XNDC1N: variants seen among roughly 807,000 people sequenced by gnomAD.
XNDC1N encodes protein XNDC1N.
chr11:71,891,971 G>C, the XNDC1N span, among the ~76,000 whole-genome samples: 1 of 151,774 alleles, frequency 6.6e-6, no homozygotes, highest in Non-Finnish European at 1.5e-5. Context: ...ATATCCCGGC[G>C]GGAGGTGGTA....
the XNDC1N span, among the ~76,000 whole-genome samples, chr11:71,919,602 TTGGTTTTTTTTTTTGTTTG>T: frequency 2.4e-5 from 2 of 83,558 alleles, no homozygotes; most frequent in Non-Finnish European, 5.2e-5. Flanking sequence ...TTTGGCCAGG[TTGGTTTTTTTTTTTGTTTG>T]TTTTTTTTTT....
the XNDC1N span, among the ~76,000 whole-genome samples, chr11:71,886,683 G>T: frequency 1.3e-5 from 2 of 152,198 alleles, no homozygotes; most frequent in South Asian, 4.1e-4. Context: ...AAGCGCAGAA[G>T]ACATGAGAAG....
the XNDC1N span, chr11:71,917,843 AAGG>A: frequency 1.5e-6 from 1 of 682,870 alleles, no homozygotes; most frequent in Non-Finnish European, 2.7e-6. Context: ...AATACGGTGG[AAGG>A]AGGACACTCC....
At chr11:71,888,602 G>T in the XNDC1N span, among the ~76,000 whole-genome samples, 24 of 152,314 alleles carry the variant, frequency 1.6e-4, no homozygotes, top group African/African-American at 5.5e-4. Context: ...GAGGCTGGGG[G>T]CCTACCTCTC....
chr11:71,887,761 G>A, the XNDC1N span, among the ~76,000 whole-genome samples: 2 of 152,334 alleles, frequency 1.3e-5, no homozygotes, highest in South Asian at 4.1e-4. Flanking sequence ...TACAGGATTT[G>A]CGCTTGCTTC....
the XNDC1N span, among the ~76,000 whole-genome samples, chr11:71,888,681 T>A: frequency 3.3e-5 from 5 of 152,236 alleles, no homozygotes; most frequent in South Asian, 2.1e-4. Flanking sequence ...ACTGCCCTGC[T>A]AGTACAAGAA....
the XNDC1N span, chr11:71,894,174 TA>T: frequency 4.3e-6 from 3 of 703,522 alleles, no homozygotes; most frequent in African/African-American, 1.9e-5. Context: ...ATGGGAAGTA[TA>T]AAGCCTTCTC....
At chr11:71,918,924 G>A in the XNDC1N span, 661 of 702,982 alleles carry the variant, frequency 9.4e-4, 1 homozygote, top group Non-Finnish European at 1.5e-3. Context: ...CTCTCCAGCT[G>A]TAGTTCTACT....
At chr11:71,924,028 A>G in the XNDC1N span, among the ~76,000 whole-genome samples, 1 of 152,334 alleles carries the variant, frequency 6.6e-6, no homozygotes, top group African/African-American at 2.4e-5. Flanking sequence ...TGAGTTCTCA[A>G]GGGCATGAAT....
At chr11:71,902,802 C>A in the XNDC1N span, among the ~76,000 whole-genome samples, 6 of 152,190 alleles carry the variant, frequency 3.9e-5, no homozygotes, top group African/African-American at 7.2e-5. Context: ...TTCTTAATTT[C>A]CTTTAATTAG....
chr11:71,896,083 G>A, the XNDC1N span, among the ~76,000 whole-genome samples: 1 of 152,178 alleles, frequency 6.6e-6, no homozygotes, highest in Middle Eastern at 3.2e-3. Context: ...TTCGAGACCC[G>A]CCTGGCCAAC....
chr11:71,904,588 A>G, the XNDC1N span, among the ~76,000 whole-genome samples: 4 of 152,236 alleles, frequency 2.6e-5, no homozygotes, highest in African/African-American at 9.6e-5. Flanking sequence ...TATTAGGAGT[A>G]ACATCCTTCT....
At chr11:71,901,384 G>T in the XNDC1N span, among the ~76,000 whole-genome samples, 1 of 152,050 alleles carries the variant, frequency 6.6e-6, no homozygotes, top group African/African-American at 2.4e-5. Flanking sequence ...GAATCACAAG[G>T]TCAGTAATTC....
the XNDC1N span, among the ~76,000 whole-genome samples, chr11:71,876,997 G>A: frequency 1.3e-5 from 2 of 152,350 alleles, no homozygotes; most frequent in African/African-American, 4.8e-5. Flanking sequence ...GGAAGGAACT[G>A]AATGGAGGTT....
At chr11:71,916,362 C>T in the XNDC1N span, 2 of 621,388 alleles carry the variant, frequency 3.2e-6, no homozygotes, top group Admixed American at 2.6e-5. Context: ...GAGTAACCTC[C>T]AACAAAAGAA....
chr11:71,903,595 A>T, the XNDC1N span: 2 of 626,266 alleles, frequency 3.2e-6, no homozygotes, highest in Non-Finnish European at 2.9e-6. Context: ...TCGTTCAGCC[A>T]TCTTGAACCC....
At chr11:71,911,065 T>C in the XNDC1N span, among the ~76,000 whole-genome samples, 18 of 152,226 alleles carry the variant, frequency 1.2e-4, no homozygotes, top group Non-Finnish European at 1.9e-4. Flanking sequence ...GTGGCCTACA[T>C]CTCTCAACAA....
chr11:71,923,566 T>G, the XNDC1N span: 3 of 567,988 alleles, frequency 5.3e-6, no homozygotes, highest in Non-Finnish European at 3.1e-6. Context: ...TTTTGTTTTT[T>G]TTTTTTTGAG....
At chr11:71,879,493 A>G in the XNDC1N span, among the ~76,000 whole-genome samples, 1 of 152,220 alleles carries the variant, frequency 6.6e-6, no homozygotes, top group African/African-American at 2.4e-5. Flanking sequence ...ACATTTTAAT[A>G]CTTCACAATT....
Sources: allele counts gnomAD v4.1 joint callset (sites outside exome capture counted in the v4.1 genomes callset), GRCh38; gene constraint gnomAD v4.1.1; transcripts MANE v1.5; gene names NCBI Gene and HGNC (gene_info 2026-07-23, HGNC 2026-07-21).